PCBP3: variants seen among roughly 807,000 people sequenced by gnomAD.
PCBP3 encodes the protein poly(rC)-binding protein 3.
PCBP3 carries 25 observed loss-of-function variants against 52.7 expected under a neutral mutation model. That is an observed-to-expected ratio of 0.47 (90% CI 0.35 to 0.66). The LOEUF (loss-of-function observed/expected upper bound fraction) is 0.66, where lower values mean the gene tolerates loss of function less well. Among genes scored for constraint, PCBP3 ranks in the 30% least tolerant of loss-of-function variants. The pLI, the probability that PCBP3 is intolerant of heterozygous loss-of-function variation, is 0.01. For synonymous variants in PCBP3, 162 were observed against 183.0 expected (o/e 0.89, Z 0.93); for missense variants, 391 against 490.3 (o/e 0.80, Z 1.91).
intron 5 of PCBP3, among the ~76,000 whole-genome samples, chr21:45,888,065 C>G (rs1438358616): frequency 6.6e-6 from 1 of 152,198 alleles, no homozygotes; most frequent in African/African-American, 2.4e-5. Context: ...CTCAGGAGCA[C>G]TGGGGTCCTC....
rs2085801963 is a variant in PCBP3 at position 45,735,530 on chromosome 21, G to C, written c.-162+101G>C. On this transcript the variant is annotated intron_variant, in intron 3 of 17. Transcript: ENST00000681687. The surrounding 1 kb of genome is among the most constrained non-coding windows in gnomAD (Gnocchi z 4.0). ...GAAAGTCTTGCTCTCAAGGGAAGCTGTGTGTCTCTGCTGACCCTCTGGATC... is the reference window on the plus strand; with the variant it reads ...GAAAGTCTTGCTCTCAAGGGAAGCTCTGTGTCTCTGCTGACCCTCTGGATC... 1 of 152,224 alleles carries C rather than the reference G, an allele frequency of 6.6e-6. No individual in the cohort carries two copies. The highest frequency in any genetic ancestry group is 2.4e-5 in the African/African-American group (1 of 41,446). 9.4% of individuals were successfully genotyped at this position (152,224 alleles called of 1,614,324 possible).
intron 4 of PCBP3, among the ~76,000 whole-genome samples, chr21:45,798,353 T>A: frequency 8.9e-6 from 1 of 112,786 alleles, no homozygotes; most frequent in African/African-American, 3.5e-5. Flanking sequence ...ATAGAGAGAG[T>A]GAATGGATGT....
intron 4 of PCBP3, among the ~76,000 whole-genome samples, chr21:45,843,285 T>C (rs889152894): frequency 3.9e-5 from 6 of 152,244 alleles, no homozygotes; most frequent in African/African-American, 2.4e-5. Context: ...ACGTGACTAC[T>C]ATCCCCTGTG....
intron 2 of PCBP3, among the ~76,000 whole-genome samples, chr21:45,727,851 A>G (rs1001462606): frequency 3.3e-5 from 5 of 152,254 alleles, no homozygotes; most frequent in Non-Finnish European, 7.3e-5. Context: ...ATGTCAAAGC[A>G]TCAGACACAG....
rs894949783 is a variant in PCBP3 at position 45,737,310 on chromosome 21, T to C, written c.-162+1881T>C. 1.3e-5 allele frequency among the ~76,000 whole-genome samples: 2 copies of C among 152,196 alleles called. No individual in the cohort carries two copies. The highest frequency in any genetic ancestry group is 2.4e-5 in the African/African-American group (1 of 41,454). On this transcript the variant is annotated intron_variant, in intron 3 of 17. Coordinates refer to ENST00000681687, the MANE Select transcript of PCBP3 (RefSeq NM_001384156.1). The surrounding 1 kb of genome is among the most constrained non-coding windows in gnomAD (Gnocchi z 4.9). ...GTGGCTTTAGCTAAAGCTGCTGTAA[T>C]ACCTGTTTCTTAGAGGAATCCAAAT... is the stretch of plus-strand genomic sequence containing the variant.
intron 4 of PCBP3, among the ~76,000 whole-genome samples, chr21:45,813,913 A>G (rs4819152): frequency 0.16 from 23,724 of 152,166 alleles, 2,017 homozygotes; most frequent in Middle Eastern, 0.31. Context: ...TATGATGTTC[A>G]TTGGATAGTC....
intron 2 of PCBP3, among the ~76,000 whole-genome samples, chr21:45,698,965 C>T (rs113726766): frequency 6.6e-6 from 1 of 152,212 alleles, no homozygotes; most frequent in African/African-American, 2.4e-5. Context: ...TCAGAATCCT[C>T]TGTGAACACT....
rs146717315 is a variant in PCBP3, at chr21:45,847,842, T to G, written c.-125-2119T>G. On this transcript the variant is annotated intron_variant, in intron 4 of 17. Transcript: ENST00000681687. ...CAAGTACATGATGAGCCTTTCAACT[T>G]GTCGATTATTTTTTTCCTAAGAACA... 1.6e-3 allele frequency among the ~76,000 whole-genome samples: 237 copies of G among 152,296 alleles called. 3 individuals carry two copies. Among genetic ancestry groups the G allele is most frequent in the African/African-American group, 5.2e-3 (217 of 41,554 alleles).
At chr21:45,775,800 AT>A (rs2090208111) in intron 4 of PCBP3, among the ~76,000 whole-genome samples, 2 of 152,086 alleles carry the variant, frequency 1.3e-5, no homozygotes, top group Admixed American at 1.3e-4. Context: ...TGTTTCATTC[AT>A]CCTTTGTATT....
At chr21:45,700,239 GC>G in intron 2 of PCBP3, among the ~76,000 whole-genome samples, 1 of 152,318 alleles carries the variant, frequency 6.6e-6, no homozygotes, top group African/African-American at 2.4e-5. Flanking sequence ...GGTCAATGAT[GC>G]CCTTAGGCCC....
chr21:45,851,207 A>C (rs1231183708), intron 5 of PCBP3, among the ~76,000 whole-genome samples: 1 of 152,248 alleles, frequency 6.6e-6, no homozygotes, highest in African/African-American at 2.4e-5. Flanking sequence ...GTCAATAGTT[A>C]GATCTTTGGT....
intron 11 of PCBP3, among the ~76,000 whole-genome samples, chr21:45,912,354 C>T (rs114890985): frequency 6.6e-6 from 1 of 152,288 alleles, no homozygotes; most frequent in African/African-American, 2.4e-5. Flanking sequence ...GAGGAAGATT[C>T]ATCACACCTG....
rs1294477180 is a variant in PCBP3 at position 45,924,137 on chromosome 21, GGTCGGGTGTGC to G, written c.718-5779_718-5769del. ...GAGTGGGTAGAAACAGCACACGTAA[GGTCGGGTGTGC>G]ACGAGGAGATGTGAACACTGGGAAC... is the stretch of plus-strand genomic sequence containing the variant. On this transcript the variant is annotated intron_variant, in intron 13 of 17. Coordinates refer to ENST00000681687, the MANE Select transcript of PCBP3 (RefSeq NM_001384156.1). Among the ~76,000 whole-genome samples, 271 of 103,846 alleles carry G rather than the reference GGTCGGGTGTGC, an allele frequency of 2.6e-3. 77 individuals are homozygous for G. The highest frequency in any genetic ancestry group is 7.7e-3 in the African/African-American group (168 of 21,862). 68.1% of individuals were successfully genotyped at this position (103,846 alleles called of 152,430 possible).
intron 4 of PCBP3, among the ~76,000 whole-genome samples, chr21:45,842,047 C>T (rs759520336): frequency 2.0e-5 from 3 of 152,208 alleles, no homozygotes; most frequent in Non-Finnish European, 2.9e-5. Context: ...AAAAATACCT[C>T]GTGTTCCAGG....
At position 45,822,205 on chromosome 21, in the gene PCBP3, C is replaced by T. The variant is rs564383518; in HGVS notation, c.-125-27756C>T. On this transcript the variant is annotated intron_variant, in intron 4 of 17. Coordinates refer to ENST00000681687, the MANE Select transcript of PCBP3 (RefSeq NM_001384156.1). ...GAGAAGCTGGCAGGACTCCTGCAGG[C>T]ACAGGCACCGGCACCGTCATCCTGG... 9.8e-4 allele frequency among the ~76,000 whole-genome samples: 149 copies of T among 152,270 alleles called. 1 individual carries two copies. The highest frequency in any genetic ancestry group is 1.4e-3 in the Non-Finnish European group (93 of 68,020).
intron 5 of PCBP3, among the ~76,000 whole-genome samples, chr21:45,893,502 G>A (rs987924636): frequency 2.4e-4 from 22 of 90,902 alleles, no homozygotes; most frequent in African/African-American, 1.2e-3. Context: ...TGGGAGCTGG[G>A]GTGCAGAGTG....
At chr21:45,931,460 C>T (rs1379682950) in intron 15 of PCBP3, among the ~76,000 whole-genome samples, 1 of 152,254 alleles carries the variant, frequency 6.6e-6, no homozygotes, top group African/African-American at 2.4e-5. Flanking sequence ...CACACACATG[C>T]CAGCCACAGC....
intron 2 of PCBP3, among the ~76,000 whole-genome samples, chr21:45,675,979 G>A (rs1209409742): frequency 6.6e-6 from 1 of 152,192 alleles, no homozygotes; most frequent in African/African-American, 2.4e-5. Context: ...GTGAGTACAT[G>A]TGTTTTTAAT....
chr21:45,765,666 C>T (rs925663187), intron 4 of PCBP3, among the ~76,000 whole-genome samples: 39 of 152,180 alleles, frequency 2.6e-4, no homozygotes, highest in African/African-American at 8.2e-4. Flanking sequence ...GGGCTTGTCT[C>T]CTGGCTCCTG....
Sources: gnomAD v4.1 joint callset for allele counts (sites outside exome capture counted in the v4.1 genomes callset) on GRCh38, gnomAD v4.1.1 for gene constraint, Gnocchi (gnomAD v3.1) non-coding constraint, MANE v1.5 for transcripts, NCBI Gene and HGNC (gene_info 2026-07-23, HGNC 2026-07-21) for gene names.